The following CHRM3 variants were observed in gnomAD, a reference collection of about 807,000 sequenced individuals.
The protein encoded by CHRM3 is muscarinic acetylcholine receptor M3.
CHRM3 carries 11 observed loss-of-function variants against 41.8 expected under a neutral mutation model. The ratio of observed to expected loss-of-function variants is 0.26; its 90% CI spans 0.17 to 0.44. CHRM3 has a LOEUF of 0.44. CHRM3 is among the 20% of genes least tolerant of loss of function. The pLI is 1.00. For synonymous variants in CHRM3, 297 were observed against 301.4 expected (o/e 0.99, Z 0.15); for missense variants, 571 against 745.4 (o/e 0.77, Z 2.72).
At chr1:239,464,131 T>A (rs148983076) in intron 1 of CHRM3, among the ~76,000 whole-genome samples, 521 of 151,926 alleles carry the variant, frequency 3.4e-3, no homozygotes, top group African/African-American at 0.012. Context: ...ACCAAAAAAA[T>A]TAGCCAGGTG....
At chr1:239,580,721 A>G (rs1253585728) in intron 3 of CHRM3, among the ~76,000 whole-genome samples, 1 of 144,882 alleles carries the variant, frequency 6.9e-6, no homozygotes, top group Non-Finnish European at 1.5e-5. Context: ...ACACACACAC[A>G]CACACACACA....
chr1:239,659,772 C>A (rs74150625), intron 4 of CHRM3, among the ~76,000 whole-genome samples: 6,006 of 152,280 alleles, frequency 0.039, 390 homozygotes, highest in African/African-American at 0.14. Context: ...ACCATTCCAA[C>A]ATGTATAGAG....
At chr1:239,609,085 G>A (rs542070452) in intron 3 of CHRM3, among the ~76,000 whole-genome samples, 1 of 152,230 alleles carries the variant, frequency 6.6e-6, no homozygotes, top group Non-Finnish European at 1.5e-5. Context: ...TGATGAGTGT[G>A]TTCCACACTT....
At chr1:239,666,218 G>A (rs547312220) in intron 4 of CHRM3, among the ~76,000 whole-genome samples, 1 of 151,416 alleles carries the variant, frequency 6.6e-6, no homozygotes, top group South Asian at 2.1e-4. Flanking sequence ...CGGGGGGGAT[G>A]GAGTCTCGCT....
intron 2 of CHRM3, among the ~76,000 whole-genome samples, chr1:239,536,938 A>G (rs1187232021): frequency 6.6e-6 from 1 of 152,202 alleles, no homozygotes; most frequent in African/African-American, 2.4e-5. Flanking sequence ...AATGGATTCT[A>G]TTAGGTTTTA....
chr1:239,784,859 G>A, intron 5 of CHRM3, among the ~76,000 whole-genome samples: 1 of 152,062 alleles, frequency 6.6e-6, no homozygotes, highest in South Asian at 2.1e-4. Flanking sequence ...GAGGACTGAG[G>A]GAACTAAGTG....
intron 6 of CHRM3, among the ~76,000 whole-genome samples, chr1:239,876,166 C>T (rs1024095265): frequency 6.6e-6 from 1 of 152,178 alleles, no homozygotes; most frequent in African/African-American, 2.4e-5. Flanking sequence ...GTAGTATTAG[C>T]CCATTCTATA....
chr1:239,473,121 A>G (rs1666238154), intron 1 of CHRM3, among the ~76,000 whole-genome samples: 1 of 152,124 alleles, frequency 6.6e-6, no homozygotes, highest in Non-Finnish European at 1.5e-5. Flanking sequence ...CAACTTAACT[A>G]TGAATCCCAA....
intron 3 of CHRM3, among the ~76,000 whole-genome samples, chr1:239,589,928 C>G (rs2148631041): frequency 6.6e-6 from 1 of 152,018 alleles, no homozygotes; most frequent in East Asian, 1.9e-4. Flanking sequence ...CATAAAATGC[C>G]TTAGTGATAA....
intron 4 of CHRM3, among the ~76,000 whole-genome samples, chr1:239,647,338 C>T (rs916342254): frequency 2.0e-5 from 3 of 152,164 alleles, no homozygotes. Flanking sequence ...AACTTTCTTA[C>T]TCCTCTGTAA....
At chr1:239,674,796 C>G (rs1200086413) in intron 4 of CHRM3, among the ~76,000 whole-genome samples, 2 of 151,750 alleles carry the variant, frequency 1.3e-5, no homozygotes, top group Non-Finnish European at 1.5e-5. Context: ...CTGTTGTATG[C>G]TAAGTGGATG....
chr1:239,431,492 C>T (rs1016591231), intron 1 of CHRM3, among the ~76,000 whole-genome samples: 13 of 152,130 alleles, frequency 8.5e-5, no homozygotes, highest in African/African-American at 3.1e-4. Flanking sequence ...TCTCTAAAAG[C>T]TATTATATGT....
intron 2 of CHRM3, among the ~76,000 whole-genome samples, chr1:239,508,510 T>C (rs1169829980): frequency 6.6e-6 from 1 of 152,238 alleles, no homozygotes; most frequent in African/African-American, 2.4e-5. Flanking sequence ...TTTTCTATGG[T>C]TTAAATTAAA....
chr1:239,806,886 G>C (rs1329002056), intron 5 of CHRM3, among the ~76,000 whole-genome samples: 1 of 152,164 alleles, frequency 6.6e-6, no homozygotes, highest in African/African-American at 2.4e-5. Flanking sequence ...TTAATAAACT[G>C]TTCACAGAAG....
chr1:239,706,477 A>C (rs925355281), intron 5 of CHRM3: 14 of 152,288 alleles, frequency 9.2e-5, no homozygotes, highest in African/African-American at 2.9e-4. Flanking sequence ...CCATTTCACC[A>C]ACTTCTTGAA....
At chr1:239,608,686 C>T (rs1485899037) in intron 3 of CHRM3, among the ~76,000 whole-genome samples, 1 of 152,104 alleles carries the variant, frequency 6.6e-6, no homozygotes, top group Non-Finnish European at 1.5e-5. Context: ...CACAGGAACA[C>T]GAACGAAGGT....
At chr1:239,836,431 A>T (rs1673324064) in intron 6 of CHRM3, among the ~76,000 whole-genome samples, 1 of 152,174 alleles carries the variant, frequency 6.6e-6, no homozygotes, top group African/African-American at 2.4e-5. Flanking sequence ...AATTGATAAA[A>T]ATATAAGAAA....
At chr1:239,623,082 G>A (rs140995395) in intron 3 of CHRM3, among the ~76,000 whole-genome samples, 1 of 151,936 alleles carries the variant, frequency 6.6e-6, no homozygotes, top group Non-Finnish European at 1.5e-5. Flanking sequence ...CTCTATAAAG[G>A]CTCAGATGAT....
At chr1:239,619,744 A>C (rs1668151937) in intron 3 of CHRM3, among the ~76,000 whole-genome samples, 1 of 152,252 alleles carries the variant, frequency 6.6e-6, no homozygotes, top group African/African-American at 2.4e-5. Flanking sequence ...CAAACTCCGT[A>C]ACATTGGTGT....
Sources: gnomAD v4.1 joint callset for allele counts (sites outside exome capture counted in the v4.1 genomes callset) on GRCh38, gnomAD v4.1.1 for gene constraint, MANE v1.5 for transcripts, NCBI Gene and HGNC (gene_info 2026-07-23, HGNC 2026-07-21) for gene names.